The following EML6 variants were observed in gnomAD, a reference collection of about 807,000 sequenced individuals.
EML6 encodes the protein EMAP like 6, also known as echinoderm microtubule-associated protein-like 6.
In EML6, 154 loss-of-function variants were observed where a neutral mutation model predicts 240.1. The observed-to-expected ratio is 0.64, with a 90% CI of 0.56 to 0.73. The LOEUF is 0.73. EML6 is among the 30% of genes least tolerant of loss of function. The pLI is 0.00. For missense variants in EML6, 2,964 were observed against 2,474.6 expected, an observed-to-expected ratio of 1.20 and a Z score of -4.20; for synonymous variants, 1,148 against 899.0, an observed-to-expected ratio of 1.28 and a Z score of -4.95.
rs1285111990 is a variant in EML6, at chr2:54,813,314, A to G, written c.280A>G (p.Asn94Asp). The G allele has an allele frequency of 2.6e-6, 4 of 1,551,324 alleles. No individual in the cohort carries two copies. The highest frequency in any genetic ancestry group is 3.5e-6 in the Non-Finnish European group (4 of 1,146,572). The change falls in exon 3 of 42, where the codon AAT becomes GAT. Residue 94 changes from asparagine (N) to aspartate (D), a missense_variant. By Grantham distance (23) the Asn-to-Asp change is conservative (BLOSUM62 1). Coordinates refer to ENST00000356458, the MANE Select transcript of EML6 (RefSeq NM_001039753.4). ...ATATATATGCATATGGGATTCCTATAATGTCCAGACTGTGTCTCTTCTTAA... is the reference window on the plus strand; with the variant it reads ...ATATATATGCATATGGGATTCCTATGATGTCCAGACTGTGTCTCTTCTTAA... ...EPYICIWDSYNVQTVSLLKDV... is the reference protein window; with the variant it reads ...EPYICIWDSYDVQTVSLLKDV...
chr2:54,873,961 A>C (rs1671382280), intron 16 of EML6, among the ~76,000 whole-genome samples: 1 of 151,998 alleles, frequency 6.6e-6, no homozygotes, highest in Non-Finnish European at 1.5e-5. Context: ...TCTATCACTG[A>C]CTGCAAATGA....
At chr2:54,901,172 C>G (rs1001366832) in intron 22 of EML6, among the ~76,000 whole-genome samples, 7 of 152,278 alleles carry the variant, frequency 4.6e-5, no homozygotes, top group Non-Finnish European at 7.4e-5. Context: ...AATCAGAAAA[C>G]TGAGGCACAG....
Position 54,959,104 on chromosome 2 carries a change from A to G in EML6, c.4696A>G (p.Asn1566Asp), listed in dbSNP as rs1020712508. The change falls in exon 34 of 42, where the codon AAC (asparagine) becomes GAC (aspartate). Residue 1566 changes from asparagine to aspartate, a missense_variant and splice_region_variant. Coordinates refer to ENST00000356458, the MANE Select transcript of EML6 (RefSeq NM_001039753.4). ...QTMLSVAFGA[N>D]NLTFTGAING... is the part of the protein sequence containing the mutation. Reference sequence around the variant, plus strand: ...GTAGAAGATGTTGTTTTGTTTACAGAACAATCTCACTTTCACGGGTGCCAT... The same window carrying G: ...GTAGAAGATGTTGTTTTGTTTACAGGACAATCTCACTTTCACGGGTGCCAT... The G allele has an allele frequency of 2.2e-5, 34 of 1,549,878 alleles. No individual in the cohort carries two copies. The highest frequency in any genetic ancestry group is 3.0e-5 in the Non-Finnish European group (34 of 1,146,260).
intron 15 of EML6, 107 bp downstream of exon 15, chr2:54,869,474 A>G: frequency 2.4e-6 from 2 of 839,058 alleles, no homozygotes; most frequent in South Asian, 3.7e-5. Flanking sequence ...TAAACATGAG[A>G]TGGGAAGGTG....
intron 13 of EML6, among the ~76,000 whole-genome samples, chr2:54,865,963 G>A (rs539822472): frequency 8.1e-4 from 123 of 152,046 alleles, no homozygotes; most frequent in Non-Finnish European, 1.4e-3. Context: ...GCTGATGAAA[G>A]CATCATGAAT....
At chr2:54,741,047 G>A (rs1327229365) in intron 2 of EML6, among the ~76,000 whole-genome samples, 2 of 152,100 alleles carry the variant, frequency 1.3e-5, no homozygotes, top group Non-Finnish European at 2.9e-5. Context: ...AAACAAACGT[G>A]TTCAGTGCTT....
intron 14 of EML6, 120 bp from the exon 15 acceptor site, chr2:54,869,061 A>G: frequency 3.3e-6 from 2 of 605,932 alleles, no homozygotes; most frequent in Non-Finnish European, 5.7e-6. Context: ...GTCCTATGTG[A>G]CACCTGGGGT....
intron 17 of EML6, chr2:54,882,873 A>AAAAAAGAG (rs796515025): frequency 8.0e-5 from 9 of 112,408 alleles, no homozygotes; most frequent in Non-Finnish European, 1.1e-4. Context: ...AAAAAAAAAA[A>AAAAAAGAG]AGAAAGCTTA....
intron 2 of EML6, among the ~76,000 whole-genome samples, chr2:54,797,170 A>AAAAAAC: frequency 7.5e-6 from 1 of 133,324 alleles, no homozygotes; most frequent in African/African-American, 3.0e-5. Context: ...ATCTCAAAAA[A>AAAAAAC]AAAAAAAAAA....
chr2:54,885,836 C>G lies in EML6; in HGVS notation c.2439-5218C>G, dbSNP rs574185364. 5.7e-4 allele frequency among the ~76,000 whole-genome samples: 86 copies of G among 152,146 alleles called. No individual in the cohort carries two copies. In the Middle Eastern group the frequency reaches 0.014, roughly 24 times the overall value. ...CCGTGTTAGCCAGGATGGTCTCGAT[C>G]TCCTGACCTCGTGATCCCCCTGCCT... On this transcript the variant is annotated intron_variant, in intron 17 of 41. Coordinates refer to ENST00000356458, the MANE Select transcript of EML6 (RefSeq NM_001039753.4).
chr2:54,861,721 T>G (rs146307426), intron 12 of EML6, among the ~76,000 whole-genome samples: 3 of 151,722 alleles, frequency 2.0e-5, no homozygotes, highest in African/African-American at 7.3e-5. Flanking sequence ...ATTGGTGAGA[T>G]CCTTCTCCTA....
chr2:54,775,521 A>C (rs1221822711), intron 2 of EML6, among the ~76,000 whole-genome samples: 1 of 152,082 alleles, frequency 6.6e-6, no homozygotes, highest in Non-Finnish European at 1.5e-5. Flanking sequence ...CTTTATATAA[A>C]ATTGCACCTC....
chr2:54,811,671 T>C (rs1667854614), intron 2 of EML6, among the ~76,000 whole-genome samples: 1 of 152,246 alleles, frequency 6.6e-6, no homozygotes, highest in Admixed American at 6.5e-5. Context: ...TAAAATATAC[T>C]GGTTTATCAA....
At chr2:54,744,420 C>G (rs778018538) in intron 2 of EML6, among the ~76,000 whole-genome samples, 12 of 152,072 alleles carry the variant, frequency 7.9e-5, no homozygotes, top group Non-Finnish European at 1.3e-4. Flanking sequence ...GATAAAAATC[C>G]AAATGCGGAG....
chr2:54,907,946 A>AAGAT (rs11267419), intron 24 of EML6, among the ~76,000 whole-genome samples: 612 of 37,884 alleles, frequency 0.016, 2 homozygotes, highest in Middle Eastern at 0.045. Flanking sequence ...ATAGATAGAT[A>AAGAT]AGATAGATAG....
chr2:54,956,721 A>G (rs1050878376), intron 32 of EML6, among the ~76,000 whole-genome samples: 3 of 152,194 alleles, frequency 2.0e-5, no homozygotes, highest in Non-Finnish European at 4.4e-5. Flanking sequence ...CACCACCATC[A>G]TGGTACTAGA....
At chr2:54,761,577 T>A (rs1333924980) in intron 2 of EML6, among the ~76,000 whole-genome samples, 3 of 152,204 alleles carry the variant, frequency 2.0e-5, no homozygotes, top group Non-Finnish European at 4.4e-5. Context: ...CATTGCAATT[T>A]GGTCAAAAGT....
At chr2:54,898,336 A>C (rs1164098024) in intron 21 of EML6, among the ~76,000 whole-genome samples, 1 of 152,130 alleles carries the variant, frequency 6.6e-6, no homozygotes, top group East Asian at 1.9e-4. Flanking sequence ...TGGGTCCCAC[A>C]ATCTTGTTCT....
At chr2:54,822,358 C>G (rs1668372804) in intron 5 of EML6, among the ~76,000 whole-genome samples, 1 of 152,144 alleles carries the variant, frequency 6.6e-6, no homozygotes, top group African/African-American at 2.4e-5. Context: ...TGTCAATTCT[C>G]TTTGATCCAG....
Sources: gnomAD v4.1 joint callset for allele counts (sites outside exome capture counted in the v4.1 genomes callset) on GRCh38, gnomAD v4.1.1 for gene constraint, MANE v1.5 for transcripts, NCBI Gene and HGNC (gene_info 2026-07-23, HGNC 2026-07-21) for gene names.